Variants in DLGAP5 observed in about 807,000 individuals in gnomAD.
The protein encoded by DLGAP5 is disks large-associated protein 5.
A neutral mutation model predicts 99.6 loss-of-function variants in DLGAP5; 90 were observed. That is an observed-to-expected ratio of 0.90 (90% CI 0.76 to 1.08). DLGAP5 has a LOEUF of 1.08. Ranked by LOEUF, DLGAP5 falls within the 50% of genes least tolerant of loss-of-function variation. The pLI is 0.00. For missense variants in DLGAP5, 1,036 were observed against 983.5 expected (o/e 1.05, Z -0.71); for synonymous variants, 311 against 321.3 (o/e 0.97, Z 0.34).
chr14:55,184,531 C>T (rs1054782040), intron 2 of DLGAP5, among the ~76,000 whole-genome samples: 1 of 152,186 alleles, frequency 6.6e-6, no homozygotes, highest in Non-Finnish European at 1.5e-5. Context: ...CCTGTGTCAT[C>T]CCCTCACACT....
intron 10 of DLGAP5, among the ~76,000 whole-genome samples, chr14:55,171,336 C>T (rs1882850048): frequency 6.6e-6 from 1 of 152,136 alleles, no homozygotes; most frequent in Non-Finnish European, 1.5e-5. Flanking sequence ...TGGAGGAGTG[C>T]TACTGGCCAG....
At chr14:55,190,564 AG>A (rs1383430875) in intron 1 of DLGAP5, among the ~76,000 whole-genome samples, 4 of 152,318 alleles carry the variant, frequency 2.6e-5, no homozygotes, top group Non-Finnish European at 5.9e-5. Context: ...AAAAAAGGTA[AG>A]GGGGAGGCTC....
intron 7 of DLGAP5, among the ~76,000 whole-genome samples, chr14:55,177,904 A>G (rs1021689566): frequency 6.6e-6 from 1 of 152,074 alleles, no homozygotes; most frequent in African/African-American, 2.4e-5. Flanking sequence ...AAGATAATGG[A>G]AAATTAATAT....
At chr14:55,159,804 A>T (rs1882353244) in intron 13 of DLGAP5, among the ~76,000 whole-genome samples, 1 of 152,232 alleles carries the variant, frequency 6.6e-6, no homozygotes, top group Admixed American at 6.5e-5. Flanking sequence ...AGAAGAGAGT[A>T]GAGGTAGGAA....
intron 12 of DLGAP5, among the ~76,000 whole-genome samples, chr14:55,163,324 T>C (rs971043803): frequency 1.6e-4 from 25 of 152,244 alleles, no homozygotes; most frequent in Admixed American, 3.3e-4. Context: ...TAGATTATTT[T>C]TGACTAAAAT....
At chr14:55,176,165 T>C (rs576887628) in intron 8 of DLGAP5, 147 bp from the exon 9 acceptor site, 6 of 595,634 alleles carry the variant, frequency 1.0e-5, no homozygotes, top group Admixed American at 9.6e-5. Flanking sequence ...GGGGAGAAAA[T>C]GTAAACACCT....
In DLGAP5 at chr14:55,177,051, C is replaced by A; in HGVS notation, c.1049+11G>T. On this transcript the variant is annotated intron_variant, in intron 8 of 18. Transcript: ENST00000247191. ...TTAGCAAGAGACTTATTATTAAGAT[C>A]ATATTCTTACACTTCTGTTTTTAAA... 4 of 1,204,348 alleles carry A rather than the reference C, an allele frequency of 3.3e-6. No homozygotes were observed. The highest frequency in any genetic ancestry group is 3.2e-6 in the Non-Finnish European group (3 of 939,890). The allele number at this position is 1,204,348 out of a possible 1,614,324, so 74.6% of individuals were successfully genotyped here. A position where few individuals can be genotyped will look rare whatever the true frequency, so the allele number is the denominator to read the frequency against.
chr14:55,163,818 A>G (rs892801335), intron 12 of DLGAP5, among the ~76,000 whole-genome samples: 7 of 152,128 alleles, frequency 4.6e-5, no homozygotes, highest in Non-Finnish European at 1.0e-4. Context: ...TGCCATCTGT[A>G]TATCTTCTAT....
At chr14:55,150,095 C>CTA (rs1881965403) in intron 18 of DLGAP5, among the ~76,000 whole-genome samples, 1 of 150,926 alleles carries the variant, frequency 6.6e-6, no homozygotes. Flanking sequence ...GAAACCAATG[C>CTA]TATATATATA....
At chr14:55,175,846 T>G in intron 9 of DLGAP5, 48 bp downstream of exon 9, 2 of 1,445,406 alleles carry the variant, frequency 1.4e-6, no homozygotes, top group Non-Finnish European at 9.2e-7. Flanking sequence ...AAATATTTTT[T>G]GTATTAACAT....
At chr14:55,158,908 G>A (rs1882309796) in intron 13 of DLGAP5, among the ~76,000 whole-genome samples, 167 bp from the exon 14 acceptor site, 1 of 152,010 alleles carries the variant, frequency 6.6e-6, no homozygotes, top group African/African-American at 2.4e-5. Flanking sequence ...GTGCTAAAAG[G>A]TAAAAAGGTA....
intron 7 of DLGAP5, among the ~76,000 whole-genome samples, chr14:55,177,630 C>T (rs1237217160): frequency 1.3e-5 from 2 of 151,924 alleles, no homozygotes; most frequent in South Asian, 2.1e-4. Flanking sequence ...CTCCGCCTCC[C>T]GGGTTCACGC....
chr14:55,149,441 A>G (rs1004752754), intron 18 of DLGAP5, among the ~76,000 whole-genome samples: 4 of 152,158 alleles, frequency 2.6e-5, no homozygotes, highest in African/African-American at 9.7e-5. Flanking sequence ...TGACCACAAA[A>G]AAGGCAGCTT....
At position 55,152,588 on chromosome 14, in the gene DLGAP5, AC is replaced by A; in HGVS notation, c.2121+1del. 1 of 1,600,662 alleles carries A rather than the reference AC, an allele frequency of 6.2e-7. No individual in the cohort carries two copies. Among genetic ancestry groups the A allele is most frequent in the Non-Finnish European group, 8.5e-7 (1 of 1,174,050 alleles). On this transcript the variant is annotated splice_donor_variant, in intron 16 of 18. Coordinates refer to ENST00000247191, the MANE Select transcript of DLGAP5 (RefSeq NM_014750.5). LOFTEE classifies it high-confidence loss of function. ...ATCTAACCACACTGGAATTGTACTT[AC>A]ATGATTTTCTTCAATTAAATCTGGT...
intron 8 of DLGAP5, among the ~76,000 whole-genome samples, 168 bp from the exon 9 acceptor site, chr14:55,176,186 T>C (rs76477199): frequency 0.015 from 2,249 of 152,342 alleles, 45 homozygotes; most frequent in African/African-American, 0.051. Context: ...ATAGTGTGAA[T>C]GTCCATTTTT....
intron 13 of DLGAP5, among the ~76,000 whole-genome samples, chr14:55,159,798 G>A (rs946551377): frequency 3.9e-5 from 6 of 152,178 alleles, no homozygotes; most frequent in Non-Finnish European, 8.8e-5. Flanking sequence ...AAGGAAAGAA[G>A]AGAGTAGAGG....
intron 9 of DLGAP5, 33 bp downstream of exon 9, chr14:55,175,861 C>T: frequency 1.3e-6 from 2 of 1,489,880 alleles, no homozygotes; most frequent in Non-Finnish European, 1.8e-6. Context: ...TAACATTATT[C>T]TAAAAAATGA....
chr14:55,181,334 A>C, intron 4 of DLGAP5, 37 bp from the exon 5 acceptor site: 1 of 1,517,710 alleles, frequency 6.6e-7, no homozygotes, highest in Non-Finnish European at 9.1e-7. Flanking sequence ...ATTTAATTGC[A>C]TAATGAATCA....
Position 55,154,616 on chromosome 14 carries a change from C to G in DLGAP5, c.2063+1G>C. Reference sequence around the variant, plus strand: ...CTCTTATTAACATGTTAAAGAAATACCTGCTTTCAGGAATACTCAAAAACA... The same window carrying G: ...CTCTTATTAACATGTTAAAGAAATAGCTGCTTTCAGGAATACTCAAAAACA... On this transcript the variant is annotated splice_donor_variant, in intron 15 of 18. Coordinates refer to ENST00000247191, the MANE Select transcript of DLGAP5 (RefSeq NM_014750.5). LOFTEE classifies it high-confidence loss of function. 6.2e-7 allele frequency: 1 copy of G among 1,612,538 alleles called. No homozygotes were observed. The highest frequency in any genetic ancestry group is 8.5e-7 in the Non-Finnish European group (1 of 1,178,706).
Sources: gnomAD v4.1 joint callset for allele counts (sites outside exome capture counted in the v4.1 genomes callset) on GRCh38, gnomAD v4.1.1 for gene constraint, MANE v1.5 for transcripts, NCBI Gene and HGNC (gene_info 2026-07-23, HGNC 2026-07-21) for gene names.